Variants in NEK7 observed in about 807,000 individuals in gnomAD.
NEK7 encodes the protein serine/threonine-protein kinase Nek7.
Under a neutral mutation model 44.6 loss-of-function variants are expected in NEK7, and 18 were observed. The ratio of observed to expected loss-of-function variants is 0.40; its 90% confidence interval spans 0.28 to 0.60. The LOEUF (loss-of-function observed/expected upper bound fraction) is 0.60, where lower values mean the gene tolerates loss of function less well. Among genes scored for constraint, NEK7 ranks in the 20% least tolerant of loss-of-function variants. The pLI, the probability that NEK7 is intolerant of heterozygous loss-of-function variation, is 0.38. For synonymous variants in NEK7, 130 were observed against 121.1 expected (o/e 1.07, Z -0.48); for missense variants, 256 against 366.5 (o/e 0.70, Z 2.46).
chr1:198,319,419 A>T lies in NEK7; in HGVS notation c.806A>T (p.Gln269Leu). ...GTTTTTCTTTCTTCACAGCTCCGACAGTTAGTTAATATGTGCATCAACCCA... is the reference window on the plus strand; with the variant it reads ...GTTTTTCTTTCTTCACAGCTCCGACTGTTAGTTAATATGTGCATCAACCCA... The part of the protein sequence containing the change: ...PSDHYSEELR[Q>L]LVNMCINPDP... The change falls in exon 10 of 10, where the codon CAG becomes CTG. Residue 269 changes from glutamine (Q) to leucine (L), a missense_variant. By Grantham distance (113) the Gln-to-Leu change is moderately radical (BLOSUM62 -2). This residue lies in a region of NEK7 where 58 missense variants were observed against 66.5 expected (regional missense o/e 0.87). Transcript: ENST00000367385. The T allele has an allele frequency of 6.2e-7, 1 of 1,609,532 alleles. No individual in the cohort carries two copies. Among genetic ancestry groups the T allele is most frequent in the Non-Finnish European group, 8.5e-7 (1 of 1,177,578 alleles).
chr1:198,247,977 A>G (rs1666883409), intron 2 of NEK7, among the ~76,000 whole-genome samples: 1 of 152,184 alleles, frequency 6.6e-6, no homozygotes, highest in African/African-American at 2.4e-5. Flanking sequence ...AACCAGTGCC[A>G]TCTTTGCATT....
intron 1 of NEK7, among the ~76,000 whole-genome samples, chr1:198,200,774 C>G (rs1469368532): frequency 6.6e-6 from 1 of 152,142 alleles, no homozygotes; most frequent in Non-Finnish European, 1.5e-5. Context: ...TGGTCTCAAA[C>G]TCCTGACCCC....
Position 198,282,695 on chromosome 1 carries a change from G to A in NEK7, c.589+3634G>A, listed in dbSNP as rs529042572. On this transcript the variant is annotated intron_variant, in intron 7 of 9. Coordinates refer to ENST00000367385, the MANE Select transcript of NEK7 (RefSeq NM_133494.3). ...TAAATGTTCAATTGCTTGTGGTGGT[G>A]GTGAAGTGATGAAGATGCAGAGAAA... 6.6e-5 allele frequency among the ~76,000 whole-genome samples: 10 copies of A among 152,214 alleles called. No homozygotes were observed. The East Asian group carries it at 1.4e-3, about 21-fold the overall frequency.
chr1:198,264,099 T>C (rs774657545), intron 4 of NEK7, 26 bp from the exon 5 acceptor site: 3 of 1,569,666 alleles, frequency 1.9e-6, no homozygotes, highest in Non-Finnish European at 2.6e-6. Context: ...TAAGAAAACT[T>C]TCTGATGCCT....
intron 1 of NEK7, among the ~76,000 whole-genome samples, chr1:198,185,958 AATCTATAAATCAT>A (rs1342976605): frequency 1.3e-5 from 2 of 152,200 alleles, no homozygotes; most frequent in Non-Finnish European, 2.9e-5. Flanking sequence ...TGAAAATGAA[AATCTATAAATCAT>A]CTTTTTTTGC....
intron 1 of NEK7, among the ~76,000 whole-genome samples, chr1:198,185,188 C>CTTTT (rs1664881051): frequency 1.8e-5 from 2 of 113,216 alleles, no homozygotes; most frequent in African/African-American, 3.5e-5. Flanking sequence ...TACATGCTGT[C>CTTTT]TATTTTTTTT....
chr1:198,297,483 TAAG>T (rs1489884927), intron 9 of NEK7, among the ~76,000 whole-genome samples: 3 of 152,312 alleles, frequency 2.0e-5, no homozygotes, highest in Admixed American at 1.3e-4. Context: ...CTAGGTGTGA[TAAG>T]AATAGTAGCT....
chr1:198,297,218 C>T lies in NEK7; in HGVS notation c.776C>T (p.Pro259Leu). 1 of 1,613,468 alleles carries T rather than the reference C, an allele frequency of 6.2e-7. No individual in the cohort carries two copies. The highest frequency in any genetic ancestry group is 8.5e-7 in the Non-Finnish European group (1 of 1,179,660). Reference protein sequence around the residue: ...KIEQCDYPPLPSDHYSEELRQ... With the variant: ...KIEQCDYPPLLSDHYSEELRQ... ...GAACAGTGTGACTACCCACCTCTTC[C>T]TTCAGATCACTATTCAGAAGAAGTA... Residue 259 changes from proline to leucine, a missense_variant, in exon 9 of 10, where the codon CCT (proline) becomes CTT (leucine). This residue lies in a region of NEK7 where 58 missense variants were observed against 66.5 expected (regional missense o/e 0.87). Coordinates refer to ENST00000367385, the MANE Select transcript of NEK7 (RefSeq NM_133494.3).
At chr1:198,230,841 C>T (rs1402853509) in intron 1 of NEK7, among the ~76,000 whole-genome samples, 1 of 151,702 alleles carries the variant, frequency 6.6e-6, no homozygotes, top group African/African-American at 2.4e-5. Context: ...AAATATAAAA[C>T]ACTTAGGAAA....
At chr1:198,261,922 A>AT (rs1653487892) in intron 3 of NEK7, among the ~76,000 whole-genome samples, 1 of 151,882 alleles carries the variant, frequency 6.6e-6, no homozygotes, top group African/African-American at 2.4e-5. Flanking sequence ...GTTTATGTGT[A>AT]GTACTGTATG....
intron 8 of NEK7, among the ~76,000 whole-genome samples, chr1:198,296,438 T>TTTTTTAAAG (rs1216218322): frequency 6.6e-6 from 1 of 152,220 alleles, no homozygotes; most frequent in Non-Finnish European, 1.5e-5. Flanking sequence ...CGATAATGTC[T>TTTTTTAAAG]TTTTTAAAGT....
intron 1 of NEK7, among the ~76,000 whole-genome samples, chr1:198,172,238 C>T (rs759376195): frequency 2.9e-4 from 44 of 152,142 alleles, no homozygotes; most frequent in Non-Finnish European, 2.2e-4. Context: ...TCTTTTCTCC[C>T]TCCCCTTCTC....
At chr1:198,169,591 T>G (rs63703761) in intron 1 of NEK7, among the ~76,000 whole-genome samples, 2 of 5,922 alleles carry the variant, frequency 3.4e-4, no homozygotes, top group African/African-American at 7.6e-4. Flanking sequence ...ACTTACTGGG[T>G]TTTTTTTTTT....
intron 1 of NEK7, among the ~76,000 whole-genome samples, chr1:198,202,956 T>C (rs1665478938): frequency 6.6e-6 from 1 of 152,084 alleles, no homozygotes; most frequent in African/African-American, 2.4e-5. Context: ...CAATAATACA[T>C]TGGGAAAACA....
At chr1:198,289,591 T>C (rs574552449) in intron 7 of NEK7, among the ~76,000 whole-genome samples, 1 of 152,334 alleles carries the variant, frequency 6.6e-6, no homozygotes, top group African/African-American at 2.4e-5. Flanking sequence ...CCTCCCTTGT[T>C]TAAAAAACAC....
chr1:198,271,653 T>C (rs758693449), intron 5 of NEK7, among the ~76,000 whole-genome samples: 1 of 151,858 alleles, frequency 6.6e-6, no homozygotes, highest in Non-Finnish European at 1.5e-5. Context: ...CTCTGATTTA[T>C]TGTTTACCAG....
rs781081703 is a variant in NEK7, at chr1:198,297,133, G to T, written c.691G>T (p.Ala231Ser). Residue 231 changes from alanine (A) to serine (S), a missense_variant, in exon 9 of 10, where the codon GCA becomes TCA. Ala to Ser is a moderately conservative substitution (Grantham distance 99). This residue lies in a region of NEK7 where 102 missense variants were observed against 205.2 expected (regional missense o/e 0.50). Transcript: ENST00000367385. ...CATTGGGGGCATTTTACAGATGGCTGCATTACAAAGTCCTTTCTATGGTGA... is the reference window on the plus strand; with the variant it reads ...CATTGGGGGCATTTTACAGATGGCTTCATTACAAAGTCCTTTCTATGGTGA... ...SLGCLLYEMA[A>S]LQSPFYGDKM... is the part of the protein sequence containing the mutation. The T allele has an allele frequency of 6.2e-7, 1 of 1,607,300 alleles. No homozygotes were observed. The highest frequency in any genetic ancestry group is 8.5e-7 in the Non-Finnish European group (1 of 1,174,578).
chr1:198,159,233 C>T (rs1202959893), intron 1 of NEK7, among the ~76,000 whole-genome samples: 2 of 151,908 alleles, frequency 1.3e-5, no homozygotes, highest in Non-Finnish European at 2.9e-5. Flanking sequence ...GAGAAGGCCG[C>T]GTTAGTTCTT....
At chr1:198,256,493 G>A in intron 3 of NEK7, 2 of 1,580,676 alleles carry the variant, frequency 1.3e-6, no homozygotes, top group South Asian at 2.3e-5. Context: ...AAAATAAGAT[G>A]GTACCTTAAC....
Sources: gnomAD v4.1 joint callset for allele counts (sites outside exome capture counted in the v4.1 genomes callset) on GRCh38, gnomAD v4.1.1 for gene constraint, gnomAD v4.1.1 regional missense constraint, MANE v1.5 for transcripts, NCBI Gene and HGNC (gene_info 2026-07-23, HGNC 2026-07-21) for gene names.